Variants in RBM33 observed in about 807,000 individuals in gnomAD.
RBM33 encodes RNA-binding protein 33.
In RBM33, 28 loss-of-function variants were observed where a neutral mutation model predicts 132.6. The observed-to-expected ratio is 0.21, with a 90% CI of 0.16 to 0.29. The LOEUF (loss-of-function observed/expected upper bound fraction) is 0.29, where lower values mean the gene tolerates loss of function less well. Ranked by LOEUF, RBM33 falls within the 10% of genes least tolerant of loss-of-function variation. The pLI is 1.00. For synonymous variants in RBM33, 634 were observed against 593.0 expected (o/e 1.07, Z -1.01); for missense variants, 1,291 against 1,518.5 (o/e 0.85, Z 2.49).
intron 9 of RBM33, among the ~76,000 whole-genome samples, chr7:155,732,818 A>ATCCT (rs1464737381): frequency 6.6e-6 from 1 of 152,190 alleles, no homozygotes; most frequent in African/African-American, 2.4e-5. Context: ...GTGTGAAGTT[A>ATCCT]TCCTGGGCAG....
chr7:155,745,251 T>G lies in RBM33; in HGVS notation c.2628T>G (p.Val876=). The change falls in exon 14 of 18, where the codon GTT becomes GTG. Residue 876 remains valine, a synonymous_variant. Transcript: ENST00000401878. The surrounding 1 kb of genome is among the most constrained non-coding windows in gnomAD (Gnocchi z 4.1). ...AAAATGTGAAGAACAGACTTCTTGT[T>G]AAAAACCAGGATGTCAGTATTTCAA... is the stretch of plus-strand genomic sequence containing the variant. ...VRQNVKNRLL[V]KNQDVSISNV... is the part of the protein sequence containing the mutation. 6.2e-7 allele frequency: 1 copy of G among 1,612,746 alleles called. No homozygotes were observed. The highest frequency in any genetic ancestry group is 1.1e-5 in the South Asian group (1 of 90,740).
intron 9 of RBM33, among the ~76,000 whole-genome samples, chr7:155,726,664 G>A (rs1212554316): frequency 1.3e-5 from 2 of 152,138 alleles, no homozygotes; most frequent in East Asian, 3.8e-4. Flanking sequence ...TTTGCTAGAG[G>A]GAATTGGTAA....
chr7:155,738,410 C>T lies in RBM33; in HGVS notation c.1737+7C>T, dbSNP rs374630078. The T allele has an allele frequency of 6.2e-7, 1 of 1,601,124 alleles. No homozygotes were observed. Among genetic ancestry groups the T allele is most frequent in the Non-Finnish European group, 8.5e-7 (1 of 1,170,892 alleles). ...CACACAGCCCAACCTGCAGGTAATG[C>T]ATCCTGAGTGAACCTCCAGGGAAAA... On this transcript the variant is annotated splice_region_variant and intron_variant, in intron 11 of 17. Coordinates refer to ENST00000401878, the MANE Select transcript of RBM33 (RefSeq NM_053043.3).
intron 5 of RBM33, among the ~76,000 whole-genome samples, chr7:155,684,374 C>T (rs1799415340): frequency 6.6e-6 from 1 of 152,188 alleles, no homozygotes; most frequent in Admixed American, 6.5e-5. Flanking sequence ...GCCAGCTTGC[C>T]TGCTTTCTTC....
chr7:155,725,036 G>A (rs1275470282), intron 9 of RBM33, among the ~76,000 whole-genome samples: 4 of 140,562 alleles, frequency 2.8e-5, no homozygotes, highest in Non-Finnish European at 4.6e-5. Context: ...GTGTGTGTGT[G>A]TACAGATTTT....
At chr7:155,664,475 T>C (rs1371283550) in intron 1 of RBM33, among the ~76,000 whole-genome samples, 1 of 151,890 alleles carries the variant, frequency 6.6e-6, no homozygotes, top group East Asian at 1.9e-4. Flanking sequence ...TTTGCTATGT[T>C]GGCCGAGCTG....
chr7:155,685,083 A>G (rs764433809), intron 5 of RBM33: 22 of 1,543,234 alleles, frequency 1.4e-5, no homozygotes, highest in Non-Finnish European at 1.7e-5. Flanking sequence ...AAGAGTAAAA[A>G]GTTTGCTGTT....
chr7:155,668,985 G>C (rs1798872958), intron 2 of RBM33, among the ~76,000 whole-genome samples: 1 of 152,112 alleles, frequency 6.6e-6, no homozygotes, highest in African/African-American at 2.4e-5. Context: ...GACGGTTCTA[G>C]GTTTTATTGT....
chr7:155,761,014 C>T (rs948211346), intron 14 of RBM33, among the ~76,000 whole-genome samples: 3 of 152,164 alleles, frequency 2.0e-5, no homozygotes, highest in Non-Finnish European at 4.4e-5. Flanking sequence ...AGTCATAGAG[C>T]GTTAGGTGGG....
intron 1 of RBM33, among the ~76,000 whole-genome samples, chr7:155,653,669 C>T (rs544041691): frequency 5.3e-5 from 8 of 152,326 alleles, no homozygotes; most frequent in Non-Finnish European, 1.0e-4. Context: ...AGCACCTCCT[C>T]GTGCTGGGAG....
At chr7:155,693,332 C>CTTT (rs11417256) in intron 5 of RBM33, among the ~76,000 whole-genome samples, 2 of 146,712 alleles carry the variant, frequency 1.4e-5, no homozygotes, top group South Asian at 2.1e-4. Context: ...ATTTTTTTTT[C>CTTT]TTTTTTTTTT....
In RBM33 at chr7:155,665,260, G is replaced by T. The variant is rs1798770035; in HGVS notation, c.122+7G>T. The T allele has an allele frequency of 1.9e-6, 3 of 1,611,986 alleles. No homozygotes were observed. Among genetic ancestry groups the T allele is most frequent in the South Asian group, 1.1e-5 (1 of 91,056 alleles). Reference sequence around the variant, plus strand: ...CTGATGAGGACTGGGACAGGTACGTGCACCCTGTGCTTCACCTAACTGCCT... The same window carrying T: ...CTGATGAGGACTGGGACAGGTACGTTCACCCTGTGCTTCACCTAACTGCCT... On this transcript the variant is annotated splice_region_variant and intron_variant, in intron 2 of 17. Coordinates refer to ENST00000401878, the MANE Select transcript of RBM33 (RefSeq NM_053043.3).
At chr7:155,743,583 G>C (rs1369278442) in intron 13 of RBM33, among the ~76,000 whole-genome samples, 1 of 152,082 alleles carries the variant, frequency 6.6e-6, no homozygotes, top group Admixed American at 6.6e-5. Flanking sequence ...AGGGGACCAG[G>C]ATTATATATA....
At position 155,711,276 on chromosome 7, in the gene RBM33, T is replaced by C; in HGVS notation, c.1022T>C (p.Leu341Pro). 6.2e-7 allele frequency: 1 copy of C among 1,604,614 alleles called. No homozygotes were observed. The highest frequency in any genetic ancestry group is 8.5e-7 in the Non-Finnish European group (1 of 1,176,042). ...PIRSLFQPQP[L>P]QPLLPVQHPH... is the part of the protein sequence containing the mutation. Reference sequence around the variant, plus strand: ...AGAAGCCTGTTCCAGCCGCAGCCGCTGCAGCCGCTGCTTCCGGTGCAGCAC... The same window carrying C: ...AGAAGCCTGTTCCAGCCGCAGCCGCCGCAGCCGCTGCTTCCGGTGCAGCAC... The change falls in exon 8 of 18, where the codon CTG (leucine) becomes CCG (proline). Residue 341 changes from leucine to proline, a missense_variant. Leu to Pro is a moderately conservative substitution (Grantham distance 98). This residue lies in a region of RBM33 where 146 missense variants were observed against 137.1 expected (regional missense o/e 1.07). Coordinates refer to ENST00000401878, the MANE Select transcript of RBM33 (RefSeq NM_053043.3).
chr7:155,731,205 A>C (rs1800946343), intron 9 of RBM33, among the ~76,000 whole-genome samples: 1 of 152,134 alleles, frequency 6.6e-6, no homozygotes, highest in South Asian at 2.1e-4. Flanking sequence ...TGAGGACTTG[A>C]AATTAGCTGC....
intron 9 of RBM33, among the ~76,000 whole-genome samples, chr7:155,724,990 T>TTTTTTTGTGTG (rs71186056): frequency 3.2e-5 from 4 of 123,290 alleles, no homozygotes; most frequent in Non-Finnish European, 5.0e-5. Context: ...GTGTACAGGT[T>TTTTTTTGTGTG]TGTGTGTGTG....
chr7:155,676,010 C>T (rs1046326421), intron 3 of RBM33, among the ~76,000 whole-genome samples: 1 of 152,010 alleles, frequency 6.6e-6, no homozygotes, highest in Non-Finnish European at 1.5e-5. Flanking sequence ...TGTTTATTAG[C>T]GAGTTAATTA....
At position 155,644,686 on chromosome 7, in the gene RBM33, G is replaced by C. The variant is rs972773458; in HGVS notation, c.-191G>C. On this transcript the variant is annotated 5_prime_UTR_variant, in exon 1 of 18. Coordinates refer to ENST00000401878, the MANE Select transcript of RBM33 (RefSeq NM_053043.3). ...GGGCGCGGGCGCGCGGCCATGTTGC[G>C]GTAGTTTGTTGTTTTCTTCCTGCGG... 2 of 452,444 alleles carry C rather than the reference G, an allele frequency of 4.4e-6. No homozygotes were observed. The highest frequency in any genetic ancestry group is 7.8e-6 in the Non-Finnish European group (2 of 257,966). 28.0% of individuals were successfully genotyped at this position (452,444 alleles called of 1,614,324 possible).
intron 5 of RBM33, among the ~76,000 whole-genome samples, chr7:155,697,992 A>G (rs1242711835): frequency 6.6e-6 from 1 of 152,218 alleles, no homozygotes; most frequent in Non-Finnish European, 1.5e-5. Flanking sequence ...ATCTTAGGAT[A>G]GTTTGATTTT....
Sources: gnomAD v4.1 joint callset for allele counts (sites outside exome capture counted in the v4.1 genomes callset) on GRCh38, gnomAD v4.1.1 for gene constraint, gnomAD v4.1.1 regional missense constraint, Gnocchi (gnomAD v3.1) non-coding constraint, MANE v1.5 for transcripts, NCBI Gene and HGNC (gene_info 2026-07-23, HGNC 2026-07-21) for gene names.